The following TNS3 variants were observed in gnomAD, a reference collection of about 807,000 sequenced individuals.
TNS3 encodes tensin-3.
In TNS3, 45 loss-of-function variants were observed where a neutral mutation model predicts 140.9. That is an observed-to-expected ratio of 0.32 (90% CI 0.25 to 0.41). The LOEUF is 0.41. Among genes scored for constraint, TNS3 ranks in the 10% least tolerant of loss-of-function variants. The pLI is 1.00. For missense variants in TNS3, 1,716 were observed against 1,906.7 expected, an observed-to-expected ratio of 0.90 and a Z score of 1.86; for synonymous variants, 815 against 788.4, an observed-to-expected ratio of 1.03 and a Z score of -0.56.
chr7:47,493,021 A>C (rs996089508), intron 3 of TNS3, among the ~76,000 whole-genome samples: 6 of 152,174 alleles, frequency 3.9e-5, no homozygotes, highest in Admixed American at 6.5e-5. Context: ...TTCCATATGA[A>C]ATCAATAGCA....
intron 20 of TNS3, among the ~76,000 whole-genome samples, chr7:47,339,723 A>C (rs917533800): frequency 6.6e-6 from 1 of 152,100 alleles, no homozygotes; most frequent in South Asian, 2.1e-4. Context: ...TCTACAAAAA[A>C]ATCTTGCTGA....
At chr7:47,309,722 T>C (rs542332927) in intron 20 of TNS3, among the ~76,000 whole-genome samples, 6 of 152,350 alleles carry the variant, frequency 3.9e-5, no homozygotes, top group Admixed American at 2.6e-4. Context: ...TGGAAAAACA[T>C]GCTTATCAAC....
intron 16 of TNS3, among the ~76,000 whole-genome samples, chr7:47,378,509 C>G (rs1379869248): frequency 1.3e-5 from 2 of 152,200 alleles, no homozygotes; most frequent in Non-Finnish European, 2.9e-5. Context: ...AGCTCAGGAT[C>G]TTACCAGCTG....
rs1449708771 is a variant in TNS3 at position 47,483,063 on chromosome 7, C to T, written c.-114-1922G>A. 2.6e-5 allele frequency among the ~76,000 whole-genome samples: 4 copies of T among 152,058 alleles called. No individual in the cohort carries two copies. In the South Asian group the frequency reaches 6.2e-4, roughly 24 times the overall value. ...ACCAGGAGAGAATCCTAATGTAAAC[C>T]GAGGGCTCTGGTTACTAAGACTGTA... is the stretch of plus-strand genomic sequence containing the variant. On this transcript the variant is annotated intron_variant, in intron 3 of 30. Transcript: ENST00000311160.
At chr7:47,474,145 C>A (rs1054731703) in intron 4 of TNS3, among the ~76,000 whole-genome samples, 4 of 137,276 alleles carry the variant, frequency 2.9e-5, no homozygotes, top group African/African-American at 1.1e-4. Context: ...CACACACACA[C>A]AACACACATA....
chr7:47,490,892 C>T (rs536496759), intron 3 of TNS3, among the ~76,000 whole-genome samples: 41 of 152,290 alleles, frequency 2.7e-4, no homozygotes, highest in Middle Eastern at 6.8e-3. Context: ...GCGCACAGCC[C>T]CAGCATGCCC....
chr7:47,298,102 A>G (rs889419167), intron 23 of TNS3, among the ~76,000 whole-genome samples: 2 of 152,176 alleles, frequency 1.3e-5, no homozygotes, highest in Non-Finnish European at 2.9e-5. Flanking sequence ...GAAGTTTCTA[A>G]TTACATTTTC....
chr7:47,425,211 G>T (rs1326172330), intron 9 of TNS3, among the ~76,000 whole-genome samples: 2 of 152,100 alleles, frequency 1.3e-5, no homozygotes, highest in Admixed American at 1.3e-4. Flanking sequence ...CAGCTACTTG[G>T]GAGGCTGAGG....
At chr7:47,517,273 C>T (rs1235083867) in intron 2 of TNS3, among the ~76,000 whole-genome samples, 1 of 152,152 alleles carries the variant, frequency 6.6e-6, no homozygotes, top group Non-Finnish European at 1.5e-5. Context: ...CCACAAGCCC[C>T]GCTTCAAATC....
intron 2 of TNS3, among the ~76,000 whole-genome samples, chr7:47,508,947 C>T (rs1390854352): frequency 6.6e-6 from 1 of 152,214 alleles, no homozygotes; most frequent in African/African-American, 2.4e-5. Context: ...CAACCCCAAC[C>T]AAGCCTTCAG....
rs1784929167 is a variant in TNS3 at position 47,277,717 on chromosome 7, T to G, written c.*359A>C. On this transcript the variant is annotated 3_prime_UTR_variant, in exon 31 of 31. Transcript: ENST00000311160. The stretch of plus-strand genomic sequence containing the variant: ...CTCTGCCTCAAGGGCTGGGGATTCC[T>G]CATCCCCCGGAATGCTAGTGTGCCA... 3.0e-6 allele frequency: 1 copy of G among 335,208 alleles called. No homozygotes were observed. 20.8% of individuals were successfully genotyped at this position (335,208 alleles called of 1,614,324 possible). A position where few individuals can be genotyped will look rare whatever the true frequency, so the allele number is the denominator to read the frequency against.
chr7:47,306,156 T>C (rs1387874465), intron 20 of TNS3, among the ~76,000 whole-genome samples: 2 of 152,202 alleles, frequency 1.3e-5, no homozygotes, highest in African/African-American at 4.8e-5. Flanking sequence ...CTGAAAGGAA[T>C]TATCAACAGC....
At position 47,291,959 on chromosome 7, in the gene TNS3, C is replaced by A. The variant is rs757209466; in HGVS notation, c.3924G>T (p.Gly1308=). 2 of 1,614,014 alleles carry A rather than the reference C, an allele frequency of 1.2e-6. No individual in the cohort carries two copies. Among genetic ancestry groups the A allele is most frequent in the African/African-American group, 2.7e-5 (2 of 74,932 alleles). The change falls in exon 27 of 31, where the codon GGG becomes GGT. Residue 1308 remains glycine, a synonymous_variant. Coordinates refer to ENST00000311160, the MANE Select transcript of TNS3 (RefSeq NM_022748.12). ...ANSAAELLKQ[G]AACNVWYLNS... is the part of the protein sequence containing the mutation. ...AATGGAGCTGCATTTACTGACCTGC[C>A]CCCTGCTTCAACAGCTCAGCTGCTG... is the stretch of plus-strand genomic sequence containing the variant.
chr7:47,280,391 A>G (rs1785079438), intron 28 of TNS3, 37 bp from the exon 29 acceptor site: 2 of 1,603,844 alleles, frequency 1.2e-6, no homozygotes, highest in Admixed American at 1.7e-5. Flanking sequence ...GGCTCCTGTT[A>G]CTAGGGCTTT....
At chr7:47,531,526 T>A (rs1799402940) in intron 1 of TNS3, among the ~76,000 whole-genome samples, 1 of 152,204 alleles carries the variant, frequency 6.6e-6, no homozygotes, top group South Asian at 2.1e-4. Context: ...GAAATGCTAA[T>A]TACACAGGTA....
In TNS3 at chr7:47,520,894, A is replaced by G. The variant is rs531155032; in HGVS notation, c.-153+8142T>C. On this transcript the variant is annotated intron_variant, in intron 2 of 30. Transcript: ENST00000311160. Reference sequence around the variant, plus strand: ...AGGGTTGGGGGACTCACCACCTCCAATTGTTCTGGAAAGAACTTTGGAAAT... The same window carrying G: ...AGGGTTGGGGGACTCACCACCTCCAGTTGTTCTGGAAAGAACTTTGGAAAT... 1.1e-4 allele frequency among the ~76,000 whole-genome samples: 17 copies of G among 152,336 alleles called. No individual in the cohort carries two copies. In the South Asian group the frequency reaches 3.3e-3, roughly 30 times the overall value.
chr7:47,554,662 T>C (rs1057506726), intron 1 of TNS3, among the ~76,000 whole-genome samples: 1 of 152,198 alleles, frequency 6.6e-6, no homozygotes, highest in African/African-American at 2.4e-5. Flanking sequence ...TGTGACTGAA[T>C]TGCTGCAATC....
intron 2 of TNS3, among the ~76,000 whole-genome samples, chr7:47,525,179 T>C (rs1289023635): frequency 6.6e-6 from 1 of 152,192 alleles, no homozygotes; most frequent in Non-Finnish European, 1.5e-5. Context: ...TGTGGGGTCC[T>C]CCAGGCCAAA....
intron 13 of TNS3, among the ~76,000 whole-genome samples, chr7:47,409,193 G>A (rs957726555): frequency 1.3e-5 from 2 of 152,114 alleles, no homozygotes; most frequent in Non-Finnish European, 2.9e-5. Context: ...AGAGAAGAGA[G>A]GGGAGAAGAG....
Sources: gnomAD v4.1 joint callset for allele counts (sites outside exome capture counted in the v4.1 genomes callset) on GRCh38, gnomAD v4.1.1 for gene constraint, MANE v1.5 for transcripts, NCBI Gene and HGNC (gene_info 2026-07-23, HGNC 2026-07-21) for gene names.